DTD1: variants seen among roughly 807,000 people sequenced by gnomAD.
The protein encoded by DTD1 is D-tyrosyl-tRNA deacylase 1 homolog.
Under a neutral mutation model 25.6 loss-of-function variants are expected in DTD1, and 13 were observed. The ratio of observed to expected loss-of-function variants is 0.51; its 90% CI spans 0.33 to 0.81. DTD1 has a LOEUF of 0.81. Among genes scored for constraint, DTD1 ranks in the 30% least tolerant of loss-of-function variants. DTD1 has a pLI of 0.02. For synonymous variants in DTD1, 110 were observed against 103.6 expected (o/e 1.06, Z -0.37); for missense variants, 193 against 266.4 (o/e 0.72, Z 1.92).
intron 4 of DTD1, among the ~76,000 whole-genome samples, chr20:18,649,419 A>G (rs1366352474): frequency 7.3e-6 from 1 of 136,826 alleles, no homozygotes; most frequent in Non-Finnish European, 1.5e-5. Context: ...GCTCACTGCA[A>G]CATCCGCCTC....
At chr20:18,744,465 C>T (rs1381252981) in intron 5 of DTD1, among the ~76,000 whole-genome samples, 194 bp downstream of exon 5, 3 of 152,054 alleles carry the variant, frequency 2.0e-5, no homozygotes, top group African/African-American at 4.8e-5. Flanking sequence ...AAAGACATAC[C>T]TGAGACTGAG....
At chr20:18,647,574 C>T (rs534060784) in intron 4 of DTD1, among the ~76,000 whole-genome samples, 47 of 151,894 alleles carry the variant, frequency 3.1e-4, no homozygotes, top group African/African-American at 7.0e-4. Flanking sequence ...GATCAGGACA[C>T]GAGCATGGAG....
intron 4 of DTD1, among the ~76,000 whole-genome samples, chr20:18,708,207 T>TAAATATATATTAAATATATATTATATATA (rs1371286340): frequency 1.5e-4 from 1 of 6,864 alleles, no homozygotes; most frequent in Non-Finnish European, 6.6e-4. Context: ...ATATATATAT[T>TAAATATATATTAAATATATATTATATATA]TTATATATAT....
At chr20:18,747,440 T>G (rs556915446) in intron 5 of DTD1, among the ~76,000 whole-genome samples, 2 of 152,298 alleles carry the variant, frequency 1.3e-5, no homozygotes, top group Admixed American at 6.5e-5. Flanking sequence ...TTTCTCAGGC[T>G]TCTCTGGATC....
chr20:18,675,431 C>CT (rs1361539101), intron 4 of DTD1: 4 of 152,132 alleles, frequency 2.6e-5, no homozygotes, highest in African/African-American at 9.7e-5. Context: ...GTTGTCATCC[C>CT]TTTGTATGGC....
intron 3 of DTD1, among the ~76,000 whole-genome samples, chr20:18,624,128 A>T (rs1011610645): frequency 4.6e-5 from 7 of 152,050 alleles, no homozygotes; most frequent in African/African-American, 1.7e-4. Flanking sequence ...GGAGGCTCTG[A>T]ACTGGGTCAG....
chr20:18,661,573 G>A (rs148814932), intron 4 of DTD1, among the ~76,000 whole-genome samples: 62 of 152,124 alleles, frequency 4.1e-4, no homozygotes, highest in African/African-American at 5.3e-4. Flanking sequence ...GGGTTTCACC[G>A]TGTTAGCCAG....
chr20:18,700,915 G>C (rs988826607), intron 4 of DTD1, among the ~76,000 whole-genome samples: 1 of 152,242 alleles, frequency 6.6e-6, no homozygotes, highest in African/African-American at 2.4e-5. Flanking sequence ...GACTACAGAT[G>C]AGAGGTGGCA....
rs189256852 is a variant in DTD1, at chr20:18,616,634, A to G, written c.371-11493A>G. 7.2e-5 allele frequency among the ~76,000 whole-genome samples: 11 copies of G among 152,154 alleles called. No individual in the cohort carries two copies. The East Asian group carries it at 2.1e-3, about 29-fold the overall frequency. ...AAGACCCCATCTCTAAAAAGAAAAG[A>G]AAAAAAGAAAAAAAAAGAAAAAATT... On this transcript the variant is annotated intron_variant, in intron 3 of 5. Transcript: ENST00000377452.
chr20:18,738,995 G>T, intron 4 of DTD1, among the ~76,000 whole-genome samples: 1 of 152,188 alleles, frequency 6.6e-6, no homozygotes, highest in East Asian at 1.9e-4. Context: ...CCTCTGCAGT[G>T]TGTCCTCAGG....
chr20:18,700,331 G>T (rs1600378403), intron 4 of DTD1, among the ~76,000 whole-genome samples: 1 of 152,104 alleles, frequency 6.6e-6, no homozygotes, highest in African/African-American at 2.4e-5. Context: ...GTTCTTTTTA[G>T]TGGCTCATCA....
At chr20:18,708,263 T>TATAATATATA in intron 4 of DTD1, among the ~76,000 whole-genome samples, 1 of 24,032 alleles carries the variant, frequency 4.2e-5, no homozygotes, top group African/African-American at 1.2e-4. Context: ...TATATATATA[T>TATAATATATA]TTTATATATA....
chr20:18,707,005 G>C (rs117249439), intron 4 of DTD1, among the ~76,000 whole-genome samples: 1 of 152,222 alleles, frequency 6.6e-6, no homozygotes, highest in Non-Finnish European at 1.5e-5. Flanking sequence ...AGCAGTGTGA[G>C]CCTCGGCCTG....
intron 3 of DTD1, among the ~76,000 whole-genome samples, chr20:18,601,528 G>C (rs1215354826): frequency 1.4e-5 from 2 of 145,176 alleles, no homozygotes; most frequent in African/African-American, 2.5e-5. Flanking sequence ...AAAGCAGTCT[G>C]ACAGCTTTGA....
intron 3 of DTD1, among the ~76,000 whole-genome samples, chr20:18,598,654 C>T (rs1163766165): frequency 6.7e-6 from 1 of 149,018 alleles, no homozygotes; most frequent in Non-Finnish European, 1.5e-5. Flanking sequence ...CCAGCCACCA[C>T]ACCCGGCTAA....
chr20:18,589,714 C>G (rs2060581536), intron 1 of DTD1, among the ~76,000 whole-genome samples: 1 of 152,168 alleles, frequency 6.6e-6, no homozygotes, highest in Non-Finnish European at 1.5e-5. Context: ...AAATTTTGAT[C>G]TCTCTCCTGA....
chr20:18,702,263 A>T (rs750016195), intron 4 of DTD1, among the ~76,000 whole-genome samples: 1 of 152,208 alleles, frequency 6.6e-6, no homozygotes. Context: ...ACAACTGTGT[A>T]TGGTACTCCC....
chr20:18,662,528 A>T (rs2060915330), intron 4 of DTD1, among the ~76,000 whole-genome samples: 1 of 152,226 alleles, frequency 6.6e-6, no homozygotes, highest in Admixed American at 6.5e-5. Flanking sequence ...CTGCTCCAGA[A>T]GCACATACAC....
At chr20:18,640,051 A>AT (rs11087260) in intron 4 of DTD1, among the ~76,000 whole-genome samples, 97 of 145,520 alleles carry the variant, frequency 6.7e-4, no homozygotes, top group African/African-American at 1.9e-3. Context: ...TGCTCTGAGG[A>AT]TTTTTTTTTT....
Sources: gnomAD v4.1 joint callset for allele counts (sites outside exome capture counted in the v4.1 genomes callset) on GRCh38, gnomAD v4.1.1 for gene constraint, MANE v1.5 for transcripts, NCBI Gene and HGNC (gene_info 2026-07-23, HGNC 2026-07-21) for gene names.